The following ITGAV variants were observed in gnomAD, a reference collection of about 807,000 sequenced individuals.
ITGAV encodes the protein integrin alpha-V.
ITGAV carries 76 observed loss-of-function variants against 143.8 expected under a neutral mutation model. The observed-to-expected ratio is 0.53, with a 90% CI of 0.44 to 0.64. ITGAV has a LOEUF of 0.64. Among genes scored for constraint, ITGAV ranks in the 30% least tolerant of loss-of-function variants. The probability of loss-of-function intolerance (pLI) is 0.00; values close to 1 mark genes in which losing one functional copy is unlikely to be tolerated. For synonymous variants in ITGAV, 453 were observed against 446.7 expected (o/e 1.01, Z -0.18); for missense variants, 1,193 against 1,274.7 (o/e 0.94, Z 0.98).
At chr2:186,656,018 T>C (rs1460325655) in intron 16 of ITGAV, among the ~76,000 whole-genome samples, 1 of 152,172 alleles carries the variant, frequency 6.6e-6, no homozygotes, top group Non-Finnish European at 1.5e-5. Flanking sequence ...TTTTGGGAAT[T>C]ATTTATGACA....
chr2:186,613,743 A>G (rs1687279989), intron 2 of ITGAV, among the ~76,000 whole-genome samples: 1 of 152,128 alleles, frequency 6.6e-6, no homozygotes, highest in South Asian at 2.1e-4. Context: ...TCTTACCACT[A>G]CTTATTATTT....
chr2:186,675,710 T>C lies in ITGAV; in HGVS notation c.2813T>C (p.Phe938Ser), dbSNP rs748488089. ...AAGTCATTACTGTGGACTGAGACTTTTATGAATGTAAGTAGACAGGTGCAG... is the reference window on the plus strand; with the variant it reads ...AAGTCATTACTGTGGACTGAGACTTCTATGAATGTAAGTAGACAGGTGCAG... ...YVKSLLWTET[F>S]MNKENQNHSY... is the part of the protein sequence containing the mutation. The change falls in exon 27 of 30, where the codon TTT becomes TCT. Residue 938 changes from phenylalanine (F) to serine (S), a missense_variant. Phe to Ser is a radical substitution (Grantham distance 155). Transcript: ENST00000261023. 1 of 1,609,644 alleles carries C rather than the reference T, an allele frequency of 6.2e-7. No individual in the cohort carries two copies. Among genetic ancestry groups the C allele is most frequent in the South Asian group, 1.1e-5 (1 of 90,962 alleles).
rs1334935985 is a variant in ITGAV, at chr2:186,669,820, T to C, written c.2706+6T>C. 6.3e-7 allele frequency: 1 copy of C among 1,578,684 alleles called. No individual in the cohort carries two copies. The highest frequency in any genetic ancestry group is 8.7e-7 in the Non-Finnish European group (1 of 1,148,188). ...AAGGAGATATTCACACTTTGGTAAG[T>C]GCCATTTCAAATATGTGCACCATAG... On this transcript the variant is annotated splice_donor_region_variant and intron_variant, in intron 26 of 29. Coordinates refer to ENST00000261023, the MANE Select transcript of ITGAV (RefSeq NM_002210.5).
At chr2:186,662,878 CTCTA>C (rs1688785933) in intron 18 of ITGAV, among the ~76,000 whole-genome samples, 1 of 152,006 alleles carries the variant, frequency 6.6e-6, no homozygotes, top group South Asian at 2.1e-4. Flanking sequence ...TTTTAAAGGA[CTCTA>C]TCTTTCTTTT....
chr2:186,647,474 G>A (rs561594688), intron 13 of ITGAV, among the ~76,000 whole-genome samples: 13 of 152,224 alleles, frequency 8.5e-5, no homozygotes, highest in Admixed American at 6.5e-4. Context: ...GAGCTCAAGC[G>A]ATCCAACTGC....
chr2:186,666,146 A>G (rs1026089846), intron 21 of ITGAV, among the ~76,000 whole-genome samples: 3 of 152,174 alleles, frequency 2.0e-5, no homozygotes, highest in Admixed American at 1.3e-4. Flanking sequence ...GTGATCCCCA[A>G]GAAGCCTTCT....
intron 8 of ITGAV, 113 bp from the exon 9 acceptor site, chr2:186,638,164 T>C: frequency 1.2e-6 from 1 of 845,432 alleles, no homozygotes; most frequent in South Asian, 1.6e-5. Flanking sequence ...AAATTGATTG[T>C]TTGTTTTGAA....
intron 13 of ITGAV, among the ~76,000 whole-genome samples, chr2:186,647,526 G>A (rs539728033): frequency 4.6e-5 from 7 of 152,110 alleles, no homozygotes; most frequent in African/African-American, 1.2e-4. Flanking sequence ...GTGAGCCACC[G>A]CACCCGGCCT....
rs1688444954 is a variant in ITGAV, at chr2:186,651,982, G to A, written c.1398G>A (p.Arg466=). 6.3e-7 allele frequency: 1 copy of A among 1,590,730 alleles called. No homozygotes were observed. The highest frequency in any genetic ancestry group is 1.7e-5 in the Admixed American group (1 of 58,428). Residue 466 remains arginine (R), a splice_region_variant and synonymous_variant, in exon 15 of 30, where the codon AGG becomes AGA. Coordinates refer to ENST00000261023, the MANE Select transcript of ITGAV (RefSeq NM_002210.5). ...CATCTTCTTTTCCCTCCCCCGCTAG[G>A]GCCAGACCAGTTATCACTGTAAATG... ...AFGVDRAILY[R]ARPVITVNAG... is the part of the protein sequence containing the mutation.
intron 1 of ITGAV, among the ~76,000 whole-genome samples, chr2:186,595,392 G>A (rs764630609): frequency 2.6e-5 from 4 of 152,122 alleles, no homozygotes; most frequent in Admixed American, 2.6e-4. Flanking sequence ...AGTACAGTTT[G>A]GATAGGGAGT....
intron 13 of ITGAV, among the ~76,000 whole-genome samples, chr2:186,649,279 TC>T (rs1688359194): frequency 1.3e-5 from 2 of 152,068 alleles, no homozygotes; most frequent in South Asian, 4.1e-4. Flanking sequence ...ATTTTTTTTT[TC>T]ATGTGATTTT....
At chr2:186,591,089 T>C (rs756090529) in intron 1 of ITGAV, among the ~76,000 whole-genome samples, 4 of 152,232 alleles carry the variant, frequency 2.6e-5, no homozygotes, top group Non-Finnish European at 5.9e-5. Context: ...TTGTGTCTTA[T>C]CTCTGGGACT....
intron 16 of ITGAV, 138 bp from the exon 17 acceptor site, chr2:186,656,109 A>G (rs1688575592): frequency 3.8e-6 from 2 of 523,350 alleles, no homozygotes; most frequent in Admixed American, 4.0e-5. Flanking sequence ...TCTCATTACA[A>G]TGTAATGACA....
At position 186,652,082 on chromosome 2, in the gene ITGAV, G is replaced by A. The variant is rs1486595332; in HGVS notation, c.1498G>A (p.Val500Ile). 6.3e-7 allele frequency: 1 copy of A among 1,581,148 alleles called. No individual in the cohort carries two copies. The highest frequency in any genetic ancestry group is 1.7e-5 in the Admixed American group (1 of 59,862). ...CTCACTGCCTGGAACAGCTCTCAAA[G>A]TTTCCTGGTAAGGGTATTTGTTTAA... The part of the protein sequence containing the change: ...TCSLPGTALK[V>I]SCFNVRFCLK... The change falls in exon 15 of 30, where the codon GTT (valine) becomes ATT (isoleucine). Residue 500 changes from valine to isoleucine, a missense_variant. Val to Ile is a conservative substitution (Grantham distance 29). Transcript: ENST00000261023.
chr2:186,663,699 T>C (rs1688810759), intron 18 of ITGAV, 69 bp from the exon 19 acceptor site: 12 of 1,073,018 alleles, frequency 1.1e-5, no homozygotes, highest in Non-Finnish European at 1.6e-5. Flanking sequence ...CACATAGATA[T>C]TGATAAACAC....
Position 186,676,906 on chromosome 2 carries a change from C to G in ITGAV, c.3022C>G (p.Leu1008Val). 6.2e-7 allele frequency: 1 copy of G among 1,613,816 alleles called. No homozygotes were observed. Among genetic ancestry groups the G allele is most frequent in the South Asian group, 1.1e-5 (1 of 91,070 alleles). Residue 1008 changes from leucine to valine, a missense_variant, in exon 29 of 30, where the codon CTG (leucine) becomes GTG (valine). Leu to Val is a conservative substitution (Grantham distance 32). Transcript: ENST00000261023. Reference sequence around the variant, plus strand: ...AGCAGTTCTAGCAGGATTGTTGCTACTGGCTGTTTTGGTATTTGTAATGTA... The same window carrying G: ...AGCAGTTCTAGCAGGATTGTTGCTAGTGGCTGTTTTGGTATTTGTAATGTA... ...ILAVLAGLLLLAVLVFVMYRM... is the reference protein window; with the variant it reads ...ILAVLAGLLLVAVLVFVMYRM...
chr2:186,644,935 G>A (rs1688212092), intron 12 of ITGAV, among the ~76,000 whole-genome samples: 1 of 152,160 alleles, frequency 6.6e-6, no homozygotes, highest in South Asian at 2.1e-4. Flanking sequence ...GGAGCCAGGA[G>A]ATGATGAGGC....
At chr2:186,604,638 G>A (rs1049014240) in intron 2 of ITGAV, among the ~76,000 whole-genome samples, 1 of 152,080 alleles carries the variant, frequency 6.6e-6, no homozygotes, top group African/African-American at 2.4e-5. Flanking sequence ...TCATTTATTA[G>A]CATATTTTTA....
intron 10 of ITGAV, 34 bp downstream of exon 10, chr2:186,638,499 T>C (rs4667108): frequency 0.4 from 621,048 of 1,552,480 alleles, 129,488 homozygotes; most frequent in East Asian, 0.79. Context: ...CCTCTCCCAC[T>C]ATAAAAGCAG....
Sources: gnomAD v4.1 joint callset for allele counts (sites outside exome capture counted in the v4.1 genomes callset) on GRCh38, gnomAD v4.1.1 for gene constraint, MANE v1.5 for transcripts, NCBI Gene and HGNC (gene_info 2026-07-23, HGNC 2026-07-21) for gene names.